PTPRT: variants seen among roughly 807,000 people sequenced by gnomAD.
PTPRT encodes protein tyrosine phosphatase receptor type T.
PTPRT carries 56 observed loss-of-function variants against 176.8 expected under a neutral mutation model. The ratio of observed to expected loss-of-function variants is 0.32; its 90% CI spans 0.26 to 0.40. The LOEUF (loss-of-function observed/expected upper bound fraction) is 0.40. Ranked by LOEUF, PTPRT falls within the 10% of genes least tolerant of loss-of-function variation. The probability of loss-of-function intolerance (pLI) is 1.00; values close to 1 mark genes in which losing one functional copy is unlikely to be tolerated. For synonymous variants in PTPRT, 783 were observed against 739.0 expected (o/e 1.06, Z -0.96); for missense variants, 1,540 against 1,908.2 (o/e 0.81, Z 3.60).
At chr20:42,121,750 GAT>G (rs370476490) in intron 19 of PTPRT, among the ~76,000 whole-genome samples, 3 of 145,652 alleles carry the variant, frequency 2.1e-5, no homozygotes, top group Non-Finnish European at 1.5e-5. Context: ...TATATGAAGA[GAT>G]ATATATATAT....
At position 42,743,797 on chromosome 20, in the gene PTPRT, C is replaced by A. The variant is rs144668526; in HGVS notation, c.859+12665G>T. Among the ~76,000 whole-genome samples the A allele has an allele frequency of 3.8e-4, 58 of 152,340 alleles. 1 individual carries two copies. Among genetic ancestry groups the A allele is most frequent in the African/African-American group, 1.3e-3 (55 of 41,572 alleles). On this transcript the variant is annotated intron_variant, in intron 6 of 30. Transcript: ENST00000373187. ...CGATTACATTGGGAACCCACAGCCA[C>A]CCCAACTGTTGAGATACGGCTGTTT...
chr20:42,715,352 A>C (rs1319411946), intron 6 of PTPRT, among the ~76,000 whole-genome samples: 1 of 152,244 alleles, frequency 6.6e-6, no homozygotes, highest in Non-Finnish European at 1.5e-5. Flanking sequence ...CAGATGTTAG[A>C]ATTTGCAGAT....
intron 13 of PTPRT, among the ~76,000 whole-genome samples, chr20:42,273,923 G>A (rs959291008): frequency 2.0e-5 from 3 of 152,242 alleles, no homozygotes; most frequent in Admixed American, 6.5e-5. Context: ...AACCCATGCT[G>A]TGCTTAGCAG....
chr20:42,820,816 A>G (rs2077879843), intron 2 of PTPRT, among the ~76,000 whole-genome samples: 1 of 152,214 alleles, frequency 6.6e-6, no homozygotes, highest in African/African-American at 2.4e-5. Flanking sequence ...AATCTAGAAG[A>G]AATTGATAAA....
At chr20:42,926,052 A>AG (rs1351132311) in intron 1 of PTPRT, among the ~76,000 whole-genome samples, 1 of 152,186 alleles carries the variant, frequency 6.6e-6, no homozygotes, top group Non-Finnish European at 1.5e-5. Flanking sequence ...GTCCCCTCTC[A>AG]GGGGGTGTAG....
chr20:42,541,594 G>GTAAATACTAATAATAATAAATAAAA (rs2072582561), intron 7 of PTPRT, among the ~76,000 whole-genome samples: 1 of 146,958 alleles, frequency 6.8e-6, no homozygotes, highest in African/African-American at 2.5e-5. Flanking sequence ...AGTAAATAAA[G>GTAAATACTAATAATAATAAATAAAA]CTGAGTAGCC....
At chr20:42,953,617 C>A (rs1046198239) in intron 1 of PTPRT, among the ~76,000 whole-genome samples, 1 of 152,142 alleles carries the variant, frequency 6.6e-6, no homozygotes. Context: ...CCTAGAAGAG[C>A]CTCTGGCCCC....
chr20:42,297,873 C>T (rs1234576441), intron 12 of PTPRT, among the ~76,000 whole-genome samples: 3 of 151,962 alleles, frequency 2.0e-5, no homozygotes, highest in South Asian at 2.1e-4. Flanking sequence ...AAAACAAAGA[C>T]CAAACATCAG....
At chr20:43,043,371 G>T (rs1986709829) in intron 1 of PTPRT, among the ~76,000 whole-genome samples, 1 of 152,022 alleles carries the variant, frequency 6.6e-6, no homozygotes, top group South Asian at 2.1e-4. Flanking sequence ...AGACAAGAGG[G>T]TGAGGAATTA....
At chr20:42,414,267 A>C (rs2059044577) in intron 9 of PTPRT, among the ~76,000 whole-genome samples, 1 of 152,256 alleles carries the variant, frequency 6.6e-6, no homozygotes, top group Non-Finnish European at 1.5e-5. Context: ...AAATGGAAAC[A>C]AACAGCTACT....
intron 1 of PTPRT, among the ~76,000 whole-genome samples, chr20:43,182,111 T>C (rs1479197856): frequency 6.6e-6 from 1 of 152,140 alleles, no homozygotes; most frequent in Non-Finnish European, 1.5e-5. Context: ...AAGAGACAAA[T>C]GCGTGATCCC....
At chr20:42,968,547 A>G (rs1982434724) in intron 1 of PTPRT, among the ~76,000 whole-genome samples, 1 of 152,192 alleles carries the variant, frequency 6.6e-6, no homozygotes, top group African/African-American at 2.4e-5. Flanking sequence ...AACGGCTGCG[A>G]GTTATGAAAA....
the PTPRT span, among the ~76,000 whole-genome samples, chr20:42,033,201 G>A: frequency 2.0e-4 from 30 of 152,192 alleles, 1 homozygote; most frequent in Non-Finnish European, 2.9e-5. Context: ...TCTGAGTGAG[G>A]AAATATAGGA....
At chr20:42,464,155 C>T (rs192416873) in intron 8 of PTPRT, among the ~76,000 whole-genome samples, 2,501 of 152,194 alleles carry the variant, frequency 0.016, 72 homozygotes, top group African/African-American at 0.056. Flanking sequence ...TCATACATAT[C>T]CCCCATCTTC....
chr20:42,914,903 C>T (rs1159865499), intron 1 of PTPRT, among the ~76,000 whole-genome samples: 1 of 151,494 alleles, frequency 6.6e-6, no homozygotes, highest in East Asian at 1.9e-4. Context: ...ACATACCAAA[C>T]ATTGCACCCA....
At chr20:42,157,838 A>G (rs1989429408) in intron 17 of PTPRT, among the ~76,000 whole-genome samples, 1 of 152,166 alleles carries the variant, frequency 6.6e-6, no homozygotes, top group Admixed American at 6.5e-5. Flanking sequence ...TGGGGAGCTC[A>G]CCTATGGAGT....
chr20:42,339,973 A>G (rs1443322816), intron 11 of PTPRT, among the ~76,000 whole-genome samples: 1 of 152,078 alleles, frequency 6.6e-6, no homozygotes, highest in African/African-American at 2.4e-5. Flanking sequence ...TCTCTCCCCA[A>G]ACGCCTGCCA....
intron 7 of PTPRT, among the ~76,000 whole-genome samples, chr20:42,520,542 C>A (rs547546515): frequency 6.6e-6 from 1 of 152,176 alleles, no homozygotes; most frequent in African/African-American, 2.4e-5. Flanking sequence ...GTCTATCAGT[C>A]CTGTCTCCAG....
At chr20:42,351,989 C>T (rs1385506409) in intron 10 of PTPRT, 95 bp downstream of exon 10, 1 of 1,206,562 alleles carries the variant, frequency 8.3e-7, no homozygotes, top group Non-Finnish European at 1.2e-6. Flanking sequence ...ACCCATATCA[C>T]AGGGTGACAA....
Sources: allele counts gnomAD v4.1 joint callset (sites outside exome capture counted in the v4.1 genomes callset), GRCh38; gene constraint gnomAD v4.1.1; transcripts MANE v1.5; gene names NCBI Gene and HGNC (gene_info 2026-07-23, HGNC 2026-07-21).